Variants in CAPRIN2 observed in about 807,000 individuals in gnomAD.
CAPRIN2 encodes the protein caprin-2.
Under a neutral mutation model 130.4 loss-of-function variants are expected in CAPRIN2, and 66 were observed. That is an observed-to-expected ratio of 0.51 (90% CI 0.42 to 0.62). The LOEUF is 0.62. Ranked by LOEUF, CAPRIN2 falls within the 20% of genes least tolerant of loss-of-function variation. CAPRIN2 has a pLI of 0.00. For synonymous variants in CAPRIN2, 471 were observed against 444.1 expected (o/e 1.06, Z -0.76); for missense variants, 1,185 against 1,246.6 (o/e 0.95, Z 0.74).
exon 8 of CAPRIN2, chr12:30,728,775 A>G (rs765730797): frequency 6.2e-7 from 1 of 1,614,120 alleles, no homozygotes; most frequent in South Asian, 1.1e-5. Flanking sequence ...TTGACTCTCA[A>G]CATTGTTTTC....
At chr12:30,715,841 A>G (rs1289706062) in intron 13 of CAPRIN2, 1 of 162,690 alleles carries the variant, frequency 6.1e-6, no homozygotes, top group East Asian at 1.9e-4. Context: ...GAATCAGGTC[A>G]TCTATGCCTA....
chr12:30,749,108 G>A (rs913500191), intron 2 of CAPRIN2, among the ~76,000 whole-genome samples: 1 of 152,158 alleles, frequency 6.6e-6, no homozygotes. Context: ...TTGAGCCACT[G>A]AAACATCTGG....
chr12:30,737,745 C>T (rs2065554604), intron 3 of CAPRIN2, among the ~76,000 whole-genome samples: 1 of 151,766 alleles, frequency 6.6e-6, no homozygotes, highest in East Asian at 1.9e-4. Context: ...CTACAGGCAC[C>T]CGCCACCACG....
In CAPRIN2 at chr12:30,747,381, T is replaced by C. The variant is rs1398134941; in HGVS notation, c.483+3690A>G. 2.0e-5 allele frequency among the ~76,000 whole-genome samples: 3 copies of C among 152,136 alleles called. No individual in the cohort carries two copies. In the East Asian group the frequency reaches 5.8e-4, roughly 29 times the overall value. Reference sequence around the variant, plus strand: ...GAGTAATTTTGACTTTCACGTCTTCTTAAGAAATACATTTGGCCGGGCGTG... The same window carrying C: ...GAGTAATTTTGACTTTCACGTCTTCCTAAGAAATACATTTGGCCGGGCGTG... On this transcript the variant is annotated intron_variant, in intron 2 of 16. Coordinates refer to ENST00000298892, the Ensembl canonical transcript of CAPRIN2.
chr12:30,734,905 C>T, intron 4 of CAPRIN2, 63 bp downstream of exon 5: 4 of 1,034,796 alleles, frequency 3.9e-6, no homozygotes, highest in South Asian at 2.6e-5. Flanking sequence ...CTCACATACA[C>T]ACACCCCTAA....
At chr12:30,720,635 C>A in intron 12 of CAPRIN2, 176 bp downstream of exon 13, 1 of 519,332 alleles carries the variant, frequency 1.9e-6, no homozygotes, top group Non-Finnish European at 3.5e-6. Context: ...ATTTATATGG[C>A]AAAGCTACAA....
At position 30,710,344 on chromosome 12, in the gene CAPRIN2, G is replaced by A. The variant is rs1245791745; in HGVS notation, c.2792C>T (p.Ala931Val). The A allele has an allele frequency of 6.2e-7, 1 of 1,614,158 alleles. No individual in the cohort carries two copies. ...GACGTGTACTGGCAGTATGGTGGCT[G>A]CTGGATTTGTCACTGGCACATCCAC... is the stretch of plus-strand genomic sequence containing the variant. The change falls in exon 17 of 17, where the codon GCA becomes GTA. Residue 931 changes from alanine to valine, a missense_variant. Coordinates refer to ENST00000298892, the Ensembl canonical transcript of CAPRIN2. This position sits in a 1 kb window ranked among gnomAD's most constrained non-coding sequence, Gnocchi z 4.8.
At position 30,740,899 on chromosome 12, in the gene CAPRIN2, A is replaced by G. The variant is rs1185948722; in HGVS notation, c.570+121T>C. 10 of 635,914 alleles carry G rather than the reference A, an allele frequency of 1.6e-5. No individual in the cohort carries two copies. The Admixed American group carries it at 2.4e-4, about 15-fold the overall frequency. The allele number at this position is 635,914 out of a possible 1,614,324, so 39.4% of individuals were successfully genotyped here. A position where few individuals can be genotyped will look rare whatever the true frequency, so the allele number is the denominator to read the frequency against. ...ATCCTCAACCTTCCATCACGATAAA[A>G]TATCAGCAGAAATTAGAAGAATAAT... On this transcript the variant is annotated intron_variant, in intron 3 of 16. Transcript: ENST00000298892.
In CAPRIN2 at chr12:30,753,576, G is replaced by GTA; in HGVS notation, c.187_188insTA (p.Ser63LeufsTer21). On this transcript the variant is annotated frameshift_variant, in exon 1 of 17. Transcript: ENST00000298892. LOFTEE classifies it high-confidence loss of function. ...TGAAGGTGACTGGTAACCAAAAGGG[G>GTA]ATGAAAAGAGTTGCACCATTGAAAC... The GTA allele has an allele frequency of 6.2e-7, 1 of 1,614,140 alleles. No homozygotes were observed. Among genetic ancestry groups the GTA allele is most frequent in the Non-Finnish European group, 8.5e-7 (1 of 1,180,020 alleles).
At chr12:30,754,159 G>A (rs1014558461) in exon 1 of CAPRIN2, 6 of 176,746 alleles carry the variant, frequency 3.4e-5, no homozygotes, top group Non-Finnish European at 6.1e-5. Context: ...GGCCTACAAG[G>A]CAATCCATCA....
At chr12:30,720,024 A>G (rs911275175) in intron 12 of CAPRIN2, 2 of 152,240 alleles carry the variant, frequency 1.3e-5, no homozygotes, top group Non-Finnish European at 2.9e-5. Context: ...GATTTACTCA[A>G]ACTTAGTAAA....
At chr12:30,729,355 C>G in intron 7 of CAPRIN2, 30 bp from the exon 9 acceptor site, 1 of 1,481,390 alleles carries the variant, frequency 6.8e-7, no homozygotes, top group Non-Finnish European at 9.1e-7. Context: ...ACTTAAGTCA[C>G]AAAATTCATA....
chr12:30,744,091 C>A (rs1285997731), intron 2 of CAPRIN2, among the ~76,000 whole-genome samples: 2 of 152,154 alleles, frequency 1.3e-5, no homozygotes, highest in Admixed American at 1.3e-4. Context: ...ACTGTTCAAG[C>A]AAGAAACCTG....
chr12:30,724,568 T>G, intron 9 of CAPRIN2, 117 bp from the exon 11 acceptor site: 1 of 689,228 alleles, frequency 1.5e-6, no homozygotes, highest in Non-Finnish European at 2.5e-6. Context: ...AATATCTAGC[T>G]AAAGCTATAG....
chr12:30,731,398 T>C (rs373357247), exon 6 of CAPRIN2: 135 of 1,613,086 alleles, frequency 8.4e-5, no homozygotes, highest in Non-Finnish European at 1.1e-4. Context: ...CTGATTGTAT[T>C]AGCATTTCTT....
intron 11 of CAPRIN2, 70 bp from the exon 13 acceptor site, chr12:30,720,985 C>T: frequency 9.4e-7 from 1 of 1,064,576 alleles, no homozygotes; most frequent in East Asian, 2.4e-5. Context: ...TGGGCCCTGG[C>T]CTTCCTAATA....
At chr12:30,735,562 G>A (rs2064374587) in intron 3 of CAPRIN2, among the ~76,000 whole-genome samples, 1 of 151,836 alleles carries the variant, frequency 6.6e-6, no homozygotes, top group African/African-American at 2.4e-5. Context: ...GGACCTTTTA[G>A]GATTTTTTTT....
At position 30,710,144 on chromosome 12, in the gene CAPRIN2, TGAAAAC is replaced by T; in HGVS notation, c.2986_2991del (p.Val996_Phe997del). ...ACTGCCAGCTTTAGCATGTGAAAAA[TGAAAAC>T]GTAAGTGCCATTCACTGGGCAATTA... On this transcript the variant is annotated inframe_deletion, in exon 17 of 17. Coordinates refer to ENST00000298892, the Ensembl canonical transcript of CAPRIN2. The surrounding 1 kb of genome is among the most constrained non-coding windows in gnomAD (Gnocchi z 4.8). 6.2e-7 allele frequency: 1 copy of T among 1,614,056 alleles called. No individual in the cohort carries two copies. Among genetic ancestry groups the T allele is most frequent in the Non-Finnish European group, 8.5e-7 (1 of 1,180,012 alleles).
At chr12:30,714,037 T>C (rs2056472218) in intron 14 of CAPRIN2, 152 bp from the exon 17 acceptor site, 1 of 509,994 alleles carries the variant, frequency 2.0e-6, no homozygotes, top group Non-Finnish European at 3.5e-6. Flanking sequence ...TAATATTGCT[T>C]CCAAAGTAAA....
Sources: gnomAD v4.1 joint callset for allele counts (sites outside exome capture counted in the v4.1 genomes callset) on GRCh38, gnomAD v4.1.1 for gene constraint, Gnocchi (gnomAD v3.1) non-coding constraint, MANE v1.5 for transcripts, NCBI Gene and HGNC (gene_info 2026-07-23, HGNC 2026-07-21) for gene names.